Variants in ADAMTSL3 observed in about 807,000 individuals in gnomAD.
The protein encoded by ADAMTSL3 is ADAMTS-like protein 3.
In ADAMTSL3, 128 loss-of-function variants were observed where a neutral mutation model predicts 201.7. That is an observed-to-expected ratio of 0.63 (90% CI 0.55 to 0.73). The LOEUF is 0.73. Ranked by LOEUF, ADAMTSL3 falls within the 30% of genes least tolerant of loss-of-function variation. The pLI is 0.00. For synonymous variants in ADAMTSL3, 738 were observed against 748.4 expected (o/e 0.99, Z 0.23); for missense variants, 1,990 against 2,119.6 (o/e 0.94, Z 1.20).
chr15:83,768,705 G>A (rs2062930370), intron 3 of ADAMTSL3, among the ~76,000 whole-genome samples: 1 of 152,166 alleles, frequency 6.6e-6, no homozygotes, highest in South Asian at 2.1e-4. Context: ...CAAGGAAGAC[G>A]ACGCAAACAT....
Position 83,797,041 on chromosome 15 carries a change from C to T in ADAMTSL3, c.318-7609C>T, listed in dbSNP as rs78117207. Among the ~76,000 whole-genome samples the T allele has an allele frequency of 3.0e-3, 455 of 151,982 alleles. 7 individuals are homozygous for T. Among genetic ancestry groups the T allele is most frequent in the African/African-American group, 0.01 (430 of 41,442 alleles). On this transcript the variant is annotated intron_variant, in intron 4 of 29. Transcript: ENST00000286744. Reference sequence around the variant, plus strand: ...AAAGTTTGAGTTACAAAGGAAAATACGGATAAATTCAAGCACAATAAAAAA... The same window carrying T: ...AAAGTTTGAGTTACAAAGGAAAATATGGATAAATTCAAGCACAATAAAAAA...
At chr15:84,012,960 A>C (rs2141889895) in intron 23 of ADAMTSL3, among the ~76,000 whole-genome samples, 1 of 152,370 alleles carries the variant, frequency 6.6e-6, no homozygotes, top group East Asian at 1.9e-4. Flanking sequence ...ATTGAGAATG[A>C]AAACAAAGCC....
intron 3 of ADAMTSL3, among the ~76,000 whole-genome samples, chr15:83,738,519 T>C (rs1457412602): frequency 6.6e-6 from 1 of 152,216 alleles, no homozygotes; most frequent in Non-Finnish European, 1.5e-5. Flanking sequence ...AGATACTTAT[T>C]ACCCTAGACA....
intron 2 of ADAMTSL3, among the ~76,000 whole-genome samples, chr15:83,681,372 A>G (rs1336810488): frequency 2.0e-5 from 3 of 152,212 alleles, no homozygotes; most frequent in Non-Finnish European, 1.5e-5. Context: ...AAAATAAGTC[A>G]TGTGGACATA....
rs761224341 is a variant in ADAMTSL3, at chr15:83,704,498, A to C, written c.179A>C (p.Tyr60Ser). 2 of 1,614,058 alleles carry C rather than the reference A, an allele frequency of 1.2e-6. No homozygotes were observed. The highest frequency in any genetic ancestry group is 1.3e-5 in the African/African-American group (1 of 74,922). ...GGGGAGCAGTTCCTCACTTATCGCT[A>C]TGATGACCAGGTAAGAACATTGGAC... Reference protein sequence around the residue: ...TTGEQFLTYRYDDQTSRNTRS... With the variant: ...TTGEQFLTYRSDDQTSRNTRS... Residue 60 changes from tyrosine (Y) to serine (S), a missense_variant, in exon 3 of 30, where the codon TAT becomes TCT. Transcript: ENST00000286744.
intron 5 of ADAMTSL3, among the ~76,000 whole-genome samples, chr15:83,810,830 C>T (rs1232506843): frequency 6.6e-6 from 1 of 152,182 alleles, no homozygotes; most frequent in Non-Finnish European, 1.5e-5. Context: ...CCTCTGCCTC[C>T]CGGGTTCAAG....
chr15:83,717,612 C>A (rs1035578604), intron 3 of ADAMTSL3: 1 of 152,112 alleles, frequency 6.6e-6, no homozygotes, highest in African/African-American at 2.4e-5. Context: ...ACCTATCTTA[C>A]ACATTTGGCT....
chr15:83,683,755 C>T (rs945456030), intron 2 of ADAMTSL3, among the ~76,000 whole-genome samples: 3 of 152,166 alleles, frequency 2.0e-5, no homozygotes, highest in African/African-American at 7.2e-5. Flanking sequence ...CCCTCAGTCT[C>T]TAAGGTCAGT....
At chr15:83,856,154 C>G (rs2141763519) in intron 7 of ADAMTSL3, among the ~76,000 whole-genome samples, 1 of 148,438 alleles carries the variant, frequency 6.7e-6, no homozygotes, top group South Asian at 2.2e-4. Context: ...TGCATCATTT[C>G]CTTTCCTTTC....
intron 6 of ADAMTSL3, among the ~76,000 whole-genome samples, chr15:83,830,158 G>A (rs775729768): frequency 1.3e-5 from 2 of 152,258 alleles, no homozygotes; most frequent in South Asian, 2.1e-4. Flanking sequence ...AGAACAGGGG[G>A]CATGGGGCAA....
At chr15:83,796,029 T>C (rs1245583300) in intron 4 of ADAMTSL3, among the ~76,000 whole-genome samples, 1 of 152,146 alleles carries the variant, frequency 6.6e-6, no homozygotes, top group African/African-American at 2.4e-5. Context: ...AAATGAATAC[T>C]TACTCTCAAT....
chr15:83,884,327 T>C (rs1223192599), intron 9 of ADAMTSL3, among the ~76,000 whole-genome samples: 3 of 148,318 alleles, frequency 2.0e-5, no homozygotes. Flanking sequence ...ACCTCATTGG[T>C]GCCCTATTTC....
chr15:83,728,805 A>C (rs2141597802), intron 3 of ADAMTSL3, among the ~76,000 whole-genome samples: 1 of 152,098 alleles, frequency 6.6e-6, no homozygotes, highest in East Asian at 1.9e-4. Flanking sequence ...ACAGTGTCAT[A>C]ATATTCTGTG....
chr15:83,908,798 C>T (rs2065884397), intron 15 of ADAMTSL3, among the ~76,000 whole-genome samples: 1 of 152,196 alleles, frequency 6.6e-6, no homozygotes, highest in Non-Finnish European at 1.5e-5. Context: ...TATTATCCCA[C>T]AGTTGAGTGG....
intron 23 of ADAMTSL3, among the ~76,000 whole-genome samples, chr15:84,013,465 T>C (rs1310506742): frequency 6.6e-6 from 1 of 152,194 alleles, no homozygotes; most frequent in East Asian, 1.9e-4. Flanking sequence ...AAAACAGTTG[T>C]CTAGAGCAAT....
rs1232313677 is a variant in ADAMTSL3, at chr15:83,728,184, CT to C, written c.189+23679del. ...TTGTTTACGTACAGCTACCCCTGCT[CT>C]TTCTTGGTTTCCATTGACATGGAAT... On this transcript the variant is annotated intron_variant, in intron 3 of 29. Transcript: ENST00000286744. 3.3e-5 allele frequency among the ~76,000 whole-genome samples: 5 copies of C among 151,726 alleles called. No homozygotes were observed. In the East Asian group the frequency reaches 9.7e-4, roughly 29 times the overall value.
At chr15:83,696,918 A>G (rs924221027) in intron 2 of ADAMTSL3, among the ~76,000 whole-genome samples, 1 of 152,188 alleles carries the variant, frequency 6.6e-6, no homozygotes, top group South Asian at 2.1e-4. Context: ...TGGGTTCTCA[A>G]TCCAGAGTGC....
chr15:83,819,995 G>C lies in ADAMTSL3; in HGVS notation c.548G>C (p.Gly183Ala). The change falls in exon 6 of 30, where the codon GGA becomes GCA. Residue 183 changes from glycine to alanine, a missense_variant. By Grantham distance (60) the Gly-to-Ala change is moderately conservative. Transcript: ENST00000286744. ...VVELAPKVLD[G>A]TRCNTDSLDM... is the part of the protein sequence containing the mutation. Reference sequence around the variant, plus strand: ...GAGCTGGCACCTAAGGTACTGGATGGAACTCGTTGCAACACGGACTCCTTG... The same window carrying C: ...GAGCTGGCACCTAAGGTACTGGATGCAACTCGTTGCAACACGGACTCCTTG... The C allele has an allele frequency of 6.2e-7, 1 of 1,614,164 alleles. No individual in the cohort carries two copies. Among genetic ancestry groups the C allele is most frequent in the Non-Finnish European group, 8.5e-7 (1 of 1,180,024 alleles).
intron 27 of ADAMTSL3, among the ~76,000 whole-genome samples, chr15:84,030,495 C>T (rs1195843677): frequency 6.6e-6 from 1 of 152,152 alleles, no homozygotes; most frequent in Non-Finnish European, 1.5e-5. Context: ...CAACTTCTCC[C>T]ATTTGGAATG....
Sources: gnomAD v4.1 joint callset for allele counts (sites outside exome capture counted in the v4.1 genomes callset) on GRCh38, gnomAD v4.1.1 for gene constraint, MANE v1.5 for transcripts, NCBI Gene and HGNC (gene_info 2026-07-23, HGNC 2026-07-21) for gene names.